Variants in TNRC6B observed in about 807,000 individuals in gnomAD.
TNRC6B encodes trinucleotide repeat-containing gene 6B protein.
In TNRC6B, 52 loss-of-function variants were observed where a neutral mutation model predicts 203.6. The observed-to-expected ratio is 0.26, with a 90% confidence interval of 0.20 to 0.32. The LOEUF (loss-of-function observed/expected upper bound fraction) is 0.32, where lower values mean the gene tolerates loss of function less well. TNRC6B is among the 10% of genes least tolerant of loss of function. The pLI is 1.00. For synonymous variants in TNRC6B, 838 were observed against 845.7 expected, an observed-to-expected ratio of 0.99 and a Z score of 0.16; for missense variants, 1,923 against 2,286.2, an observed-to-expected ratio of 0.84 and a Z score of 3.24.
intron 12 of TNRC6B, among the ~76,000 whole-genome samples, chr22:40,296,282 G>T (rs971068085): frequency 6.6e-6 from 1 of 151,592 alleles, no homozygotes; most frequent in East Asian, 1.9e-4. Flanking sequence ...TCAGAAATGG[G>T]AAAGAAGCAC....
chr22:40,120,092 C>T (rs899786255), intron 2 of TNRC6B, among the ~76,000 whole-genome samples: 4 of 152,096 alleles, frequency 2.6e-5, no homozygotes, highest in African/African-American at 9.7e-5. Flanking sequence ...GGAACTGTGG[C>T]TCACACCTAA....
intron 22 of TNRC6B, among the ~76,000 whole-genome samples, chr22:40,322,551 T>G (rs764837997): frequency 1.3e-5 from 2 of 152,204 alleles, no homozygotes; most frequent in Non-Finnish European, 2.9e-5. Flanking sequence ...ATATATAAAT[T>G]CCATACACCA....
chr22:40,324,254 G>A lies in TNRC6B; in HGVS notation c.*1013G>A, dbSNP rs1191071659. ...CTGCCAAGTCCAAAAAACTAGAGCA[G>A]GAGGTACCTCTTGGAGCAACGGTGT... On this transcript the variant is annotated 3_prime_UTR_variant, in exon 23 of 23. Coordinates refer to ENST00000454349, the MANE Select transcript of TNRC6B (RefSeq NM_001162501.2). 6.6e-6 allele frequency: 1 copy of A among 152,400 alleles called. No individual in the cohort carries two copies. Among genetic ancestry groups the A allele is most frequent in the African/African-American group, 2.4e-5 (1 of 41,384 alleles). The allele number at this position is 152,400 out of a possible 1,614,324, so 9.4% of individuals were successfully genotyped here.
intron 1 of TNRC6B, among the ~76,000 whole-genome samples, chr22:40,179,315 T>C (rs1295969044): frequency 6.6e-6 from 1 of 152,172 alleles, no homozygotes; most frequent in Non-Finnish European, 1.5e-5. Flanking sequence ...TTGTAGTTTG[T>C]GATGTGGCGG....
chr22:40,307,561 A>G (rs1601511061), intron 15 of TNRC6B, among the ~76,000 whole-genome samples: 1 of 151,722 alleles, frequency 6.6e-6, no homozygotes, highest in East Asian at 1.9e-4. Flanking sequence ...ACCCTGTTAG[A>G]CTCCGTCATC....
At chr22:40,264,192 A>G (rs923796187) in intron 4 of TNRC6B, among the ~76,000 whole-genome samples, 1 of 152,228 alleles carries the variant, frequency 6.6e-6, no homozygotes, top group Non-Finnish European at 1.5e-5. Context: ...AGGAGGTAGT[A>G]GAAGATAAGA....
intron 1 of TNRC6B, among the ~76,000 whole-genome samples, chr22:40,183,151 G>A (rs2069156977): frequency 6.6e-6 from 1 of 152,250 alleles, no homozygotes; most frequent in African/African-American, 2.4e-5. Context: ...TGGTAGGCTC[G>A]TTTCCTCACC....
chr22:40,148,575 G>A (rs972456779), intron 3 of TNRC6B, among the ~76,000 whole-genome samples: 4 of 149,434 alleles, frequency 2.7e-5, no homozygotes, highest in Non-Finnish European at 4.5e-5. Flanking sequence ...GGGCCACCGC[G>A]CCGGGCCAGA....
chr22:40,195,750 A>ATCTTTATTTTGTTTT (rs2069328808), intron 1 of TNRC6B, among the ~76,000 whole-genome samples: 1 of 150,618 alleles, frequency 6.6e-6, no homozygotes, highest in South Asian at 2.1e-4. Flanking sequence ...CACCATCCTC[A>ATCTTTATTTTGTTTT]GCTTTATTTT....
At chr22:40,074,795 T>G (rs1199474203) in intron 1 of TNRC6B, among the ~76,000 whole-genome samples, 3 of 147,714 alleles carry the variant, frequency 2.0e-5, no homozygotes, top group African/African-American at 5.2e-5. Context: ...AAAAATAAAA[T>G]AAAATAAAGA....
rs527319756 is a variant in TNRC6B at position 40,049,625 on chromosome 22, A to C, written c.-121+4627A>C. 5.5e-4 allele frequency among the ~76,000 whole-genome samples: 84 copies of C among 152,160 alleles called. 1 individual carries two copies. In the South Asian group the frequency reaches 0.017, roughly 31 times the overall value. The stretch of plus-strand genomic sequence containing the variant: ...GCATTCTTTTTGTTTTGTTTTTGAG[A>C]TGGAGTCTCGCTCTGTCGCCCAGGC... On this transcript the variant is annotated intron_variant, in intron 1 of 23. Transcript: ENST00000301923.
intron 3 of TNRC6B, chr22:40,253,819 C>CCTT (rs3833937): frequency 2.3e-6 from 1 of 427,932 alleles, no homozygotes; most frequent in South Asian, 1.7e-5. Flanking sequence ...CTGTAAATCT[C>CCTT]CTTCTTCTTC....
At chr22:40,139,401 G>A (rs1257184712) in intron 3 of TNRC6B, among the ~76,000 whole-genome samples, 1 of 149,110 alleles carries the variant, frequency 6.7e-6, no homozygotes, top group East Asian at 2.0e-4. Flanking sequence ...GTGCGATCCT[G>A]GCTAACTGCA....
Position 40,285,735 on chromosome 22 carries a change from C to A in TNRC6B, c.3673C>A (p.Arg1225=). The change falls in exon 12 of 23, where the codon CGG becomes AGG. Residue 1225 remains arginine, a synonymous_variant. Coordinates refer to ENST00000454349, the MANE Select transcript of TNRC6B (RefSeq NM_001162501.2). ...GCCACTAAATTCTTCTCCCAGTCTCCGGGCGCAAGTGCCTCCCCAGTTTAT... is the reference window on the plus strand; with the variant it reads ...GCCACTAAATTCTTCTCCCAGTCTCAGGGCGCAAGTGCCTCCCCAGTTTAT... ...VQPLNSSPSL[R]AQVPPQFISP... The A allele has an allele frequency of 6.2e-7, 1 of 1,613,978 alleles. No homozygotes were observed. Among genetic ancestry groups the A allele is most frequent in the Non-Finnish European group, 8.5e-7 (1 of 1,179,894 alleles).
intron 1 of TNRC6B, among the ~76,000 whole-genome samples, chr22:40,067,263 A>G (rs2067902971): frequency 6.6e-6 from 1 of 152,114 alleles, no homozygotes; most frequent in African/African-American, 2.4e-5. Flanking sequence ...ATGCCTTCGT[A>G]AGTTTAATTA....
intron 1 of TNRC6B, among the ~76,000 whole-genome samples, chr22:40,202,204 A>T (rs2069421133): frequency 6.6e-6 from 1 of 150,572 alleles, no homozygotes. Flanking sequence ...CCTGCTTGAA[A>T]AACCAGAATA....
chr22:40,198,853 G>A (rs1307425237), intron 1 of TNRC6B, among the ~76,000 whole-genome samples: 1 of 152,112 alleles, frequency 6.6e-6, no homozygotes, highest in East Asian at 1.9e-4. Context: ...TCTGTTGGTA[G>A]TAGAGGGGGA....
chr22:40,198,196 G>A (rs2069365546), intron 1 of TNRC6B, among the ~76,000 whole-genome samples: 1 of 152,086 alleles, frequency 6.6e-6, no homozygotes, highest in Non-Finnish European at 1.5e-5. Context: ...GTTTTCTTAA[G>A]TAGGTTAAAT....
At chr22:40,261,723 A>G (rs2070386311) in intron 3 of TNRC6B, 109 bp from the exon 4 acceptor site, 3 of 999,734 alleles carry the variant, frequency 3.0e-6, no homozygotes, top group Non-Finnish European at 4.0e-6. Flanking sequence ...AGCATGGGCA[A>G]CATGGCAAGA....
Sources: gnomAD v4.1 joint callset for allele counts (sites outside exome capture counted in the v4.1 genomes callset) on GRCh38, gnomAD v4.1.1 for gene constraint, MANE v1.5 for transcripts, NCBI Gene and HGNC (gene_info 2026-07-23, HGNC 2026-07-21) for gene names.